The following CELSR1 variants were observed in gnomAD, a reference collection of about 807,000 sequenced individuals.
The protein encoded by CELSR1 is adhesion G protein-coupled receptor C1.
In CELSR1, 110 loss-of-function variants were observed where a neutral mutation model predicts 249.1. The observed-to-expected ratio is 0.44, with a 90% CI of 0.38 to 0.52. CELSR1 has a LOEUF of 0.52. CELSR1 is among the 20% of genes least tolerant of loss of function. CELSR1 has a pLI of 0.00. For synonymous variants in CELSR1, 2,113 were observed against 1,900.0 expected, an observed-to-expected ratio of 1.11 and a Z score of -2.92; for missense variants, 4,109 against 4,296.4, an observed-to-expected ratio of 0.96 and a Z score of 1.22.
chr22:46,426,869 G>A (rs1028140343), intron 5 of CELSR1, among the ~76,000 whole-genome samples: 1 of 152,232 alleles, frequency 6.6e-6, no homozygotes, highest in African/African-American at 2.4e-5. Flanking sequence ...AAACCTGCAG[G>A]TGCTCAGGCT....
At chr22:46,529,269 A>C (rs1233207739) in intron 1 of CELSR1, among the ~76,000 whole-genome samples, 1 of 152,118 alleles carries the variant, frequency 6.6e-6, no homozygotes, top group Non-Finnish European at 1.5e-5. Context: ...CCATTTCAAA[A>C]AAAAAAAAGA....
Position 46,446,150 on chromosome 22 carries a change from C to T in CELSR1, c.4184-6739G>A, listed in dbSNP as rs544222550. On this transcript the variant is annotated intron_variant, in intron 2 of 34. Transcript: ENST00000674500. The surrounding 1 kb of genome is among the most constrained non-coding windows in gnomAD (Gnocchi z 5.5). Reference sequence around the variant, plus strand: ...CCCAGCCCCCTCCACACCATACTCACGAGCCTGTGCCGGCCCCACTGTCTC... The same window carrying T: ...CCCAGCCCCCTCCACACCATACTCATGAGCCTGTGCCGGCCCCACTGTCTC... 3.9e-5 allele frequency among the ~76,000 whole-genome samples: 6 copies of T among 152,290 alleles called. No individual in the cohort carries two copies. Among genetic ancestry groups the T allele is most frequent in the East Asian group, 3.9e-4 (2 of 5,186 alleles).
Position 46,436,435 on chromosome 22 carries a change from G to C in CELSR1, c.4407-146C>G. On this transcript the variant is annotated intron_variant, in intron 3 of 34. Coordinates refer to ENST00000674500, the MANE Select transcript of CELSR1 (RefSeq NM_001378328.1). This position sits in a 1 kb window ranked among gnomAD's most constrained non-coding sequence, Gnocchi z 5.9. ...GTGTCAGGCATGCGTCCTTCTCATAGGAGCAGACAGCCCATCAAGCTTGAT... is the reference window on the plus strand; with the variant it reads ...GTGTCAGGCATGCGTCCTTCTCATACGAGCAGACAGCCCATCAAGCTTGAT... 1 of 607,934 alleles carries C rather than the reference G, an allele frequency of 1.6e-6. No individual in the cohort carries two copies. The highest frequency in any genetic ancestry group is 2.9e-5 in the Admixed American group (1 of 34,550). The allele number at this position is 607,934 out of a possible 1,614,324, so 37.7% of individuals were successfully genotyped here.
Position 46,374,064 on chromosome 22 carries a change from C to T in CELSR1, c.7585-1007G>A, listed in dbSNP as rs558802690. ...AAGTCAGCATCGCATCTGTCAGATA[C>T]GGAACAGAGCAGGAACCGAAGCAGG... On this transcript the variant is annotated intron_variant, in intron 24 of 34. Coordinates refer to ENST00000674500, the MANE Select transcript of CELSR1 (RefSeq NM_001378328.1). The surrounding 1 kb of genome is among the most constrained non-coding windows in gnomAD (Gnocchi z 4.3). 4.5e-4 allele frequency among the ~76,000 whole-genome samples: 68 copies of T among 152,342 alleles called. No homozygotes were observed. The highest frequency in any genetic ancestry group is 1.5e-3 in the African/African-American group (63 of 41,586).
chr22:46,469,802 C>T (rs1268656704), intron 1 of CELSR1, among the ~76,000 whole-genome samples: 1 of 150,416 alleles, frequency 6.6e-6, no homozygotes, highest in Non-Finnish European at 1.5e-5. Flanking sequence ...GCGTGAACCA[C>T]CGCACCCGGC....
At chr22:46,450,770 G>A (rs945760682) in intron 2 of CELSR1, among the ~76,000 whole-genome samples, 2 of 152,178 alleles carry the variant, frequency 1.3e-5, no homozygotes, top group African/African-American at 2.4e-5. Flanking sequence ...CCACAGCACT[G>A]CTGTCAGGAC....
At position 46,437,923 on chromosome 22, in the gene CELSR1, T is replaced by C. The variant is rs369487161; in HGVS notation, c.4406+1266A>G. ...CTTAATGACGACGGGACCAACTCAG[T>C]GCAGGCTTGTTTCCTGAGACTCAGC... On this transcript the variant is annotated intron_variant, in intron 3 of 34. Coordinates refer to ENST00000674500, the MANE Select transcript of CELSR1 (RefSeq NM_001378328.1). This position sits in a 1 kb window ranked among gnomAD's most constrained non-coding sequence, Gnocchi z 4.9. Among the ~76,000 whole-genome samples the C allele has an allele frequency of 6.6e-6, 1 of 152,150 alleles. No individual in the cohort carries two copies. The highest frequency in any genetic ancestry group is 2.4e-5 in the African/African-American group (1 of 41,432).
chr22:46,508,514 C>G (rs2080539906), intron 1 of CELSR1, among the ~76,000 whole-genome samples: 1 of 143,304 alleles, frequency 7.0e-6, no homozygotes, highest in Non-Finnish European at 1.5e-5. Flanking sequence ...GAGCATTTCT[C>G]ACAGCCGGGG....
Position 46,433,328 on chromosome 22 carries a change from C to T in CELSR1, c.4611+65G>A. The T allele has an allele frequency of 3.1e-6, 4 of 1,300,614 alleles. No homozygotes were observed. Among genetic ancestry groups the T allele is most frequent in the Non-Finnish European group, 4.4e-6 (4 of 914,168 alleles). The allele number at this position is 1,300,614 out of a possible 1,614,324, so 80.6% of individuals were successfully genotyped here. A position where few individuals can be genotyped will look rare whatever the true frequency, so the allele number is the denominator to read the frequency against. ...GGGATTACAGGCGTGAGCCACTGCG[C>T]CTCGCCCCAGGGCACCTTCTCGAGC... On this transcript the variant is annotated intron_variant, in intron 5 of 34. Coordinates refer to ENST00000674500, the MANE Select transcript of CELSR1 (RefSeq NM_001378328.1). This position sits in a 1 kb window ranked among gnomAD's most constrained non-coding sequence, Gnocchi z 5.7.
In CELSR1 at chr22:46,395,215, G is replaced by A. The variant is rs2079135083; in HGVS notation, c.5844-953C>T. On this transcript the variant is annotated intron_variant, in intron 13 of 34. Transcript: ENST00000674500. The surrounding 1 kb of genome is among the most constrained non-coding windows in gnomAD (Gnocchi z 5.5). ...GAACCTTCATCCCCCTGCAGCAGTG[G>A]TGACTGTGGCGCCGGGCATGGAGAT... Among the ~76,000 whole-genome samples, 1 of 152,196 alleles carries A rather than the reference G, an allele frequency of 6.6e-6. No individual in the cohort carries two copies. Among genetic ancestry groups the A allele is most frequent in the Admixed American group, 6.5e-5 (1 of 15,278 alleles).
At chr22:46,496,655 C>A (rs569584081) in intron 1 of CELSR1, among the ~76,000 whole-genome samples, 6 of 151,464 alleles carry the variant, frequency 4.0e-5, no homozygotes, top group East Asian at 1.9e-4. Flanking sequence ...GTGTTAAAAA[C>A]CAAGACATAA....
rs1209803253 is a variant in CELSR1, at chr22:46,433,231, C to T, written c.4611+162G>A. Among the ~76,000 whole-genome samples, 4 of 152,110 alleles carry T rather than the reference C, an allele frequency of 2.6e-5. No individual in the cohort carries two copies. The highest frequency in any genetic ancestry group is 5.9e-5 in the Non-Finnish European group (4 of 68,016). The stretch of plus-strand genomic sequence containing the variant: ...TGTATTTTTGGTAGAGACAGGGTTT[C>T]GCCACGTTGGCCAAGCTGGTCTCGA... On this transcript the variant is annotated intron_variant, in intron 5 of 34. Transcript: ENST00000674500. This position sits in a 1 kb window ranked among gnomAD's most constrained non-coding sequence, Gnocchi z 5.7.
chr22:46,405,922 G>A (rs1277502508), intron 9 of CELSR1, among the ~76,000 whole-genome samples: 1 of 152,080 alleles, frequency 6.6e-6, no homozygotes, highest in Non-Finnish European at 1.5e-5. Context: ...GCTGCCCTGG[G>A]GGCCTTCTGG....
chr22:46,367,195 C>T (rs1184730708), intron 28 of CELSR1, 77 bp from the exon 29 acceptor site: 10 of 1,530,844 alleles, frequency 6.5e-6, no homozygotes, highest in South Asian at 2.4e-5. Context: ...AGCACAGATG[C>T]GCATACAGCC....
In CELSR1 at chr22:46,433,609, C is replaced by T. The variant is rs376876290; in HGVS notation, c.4523-128G>A. On this transcript the variant is annotated intron_variant, in intron 4 of 34. Coordinates refer to ENST00000674500, the MANE Select transcript of CELSR1 (RefSeq NM_001378328.1). This position sits in a 1 kb window ranked among gnomAD's most constrained non-coding sequence, Gnocchi z 5.7. ...GGCCACGTCCTCCCTCCCCTCCCCA[C>T]GGCACCATGGTGGGAGGCGCCCACC... is the stretch of plus-strand genomic sequence containing the variant. 138 of 652,278 alleles carry T rather than the reference C, an allele frequency of 2.1e-4. 1 individual carries two copies. The highest frequency in any genetic ancestry group is 1.7e-3 in the Middle Eastern group (7 of 4,020). 40.4% of individuals were successfully genotyped at this position (652,278 alleles called of 1,614,324 possible). A position where few individuals can be genotyped will look rare whatever the true frequency, so the allele number is the denominator to read the frequency against.
intron 24 of CELSR1, among the ~76,000 whole-genome samples, chr22:46,375,162 AG>A (rs2078905346): frequency 6.6e-6 from 1 of 152,154 alleles, no homozygotes; most frequent in Admixed American, 6.5e-5. Flanking sequence ...GCTCGCCGGA[AG>A]GTTCCAGCCT....
intron 1 of CELSR1, among the ~76,000 whole-genome samples, chr22:46,475,764 G>A (rs938170023): frequency 3.3e-5 from 5 of 152,032 alleles, no homozygotes; most frequent in Non-Finnish European, 5.9e-5. Context: ...CATAATCTTC[G>A]ATAACACTTA....
In CELSR1 at chr22:46,434,998, AAAG is replaced by A. The variant is rs1331907916; in HGVS notation, c.4522+1173_4522+1175del. 3.9e-5 allele frequency among the ~76,000 whole-genome samples: 6 copies of A among 152,220 alleles called. No individual in the cohort carries two copies. Among genetic ancestry groups the A allele is most frequent in the Admixed American group, 6.5e-5 (1 of 15,292 alleles). On this transcript the variant is annotated intron_variant, in intron 4 of 34. Transcript: ENST00000674500. The surrounding 1 kb of genome is among the most constrained non-coding windows in gnomAD (Gnocchi z 4.9). ...GGTGAAAGAGTAAGACTTTGTCTCA[AAAG>A]AAGAACAAAAACAAAAAAAAAAGTC...
Position 46,364,648 on chromosome 22 carries a change from G to A in CELSR1, c.8643C>T (p.Arg2881=), listed in dbSNP as rs756948030. 1.1e-5 allele frequency: 18 copies of A among 1,612,584 alleles called. No individual in the cohort carries two copies. The highest frequency in any genetic ancestry group is 1.4e-5 in the Non-Finnish European group (17 of 1,179,928). ...CGCTGACCTTGGTCTCCACCTTCAG[G>A]CGGGGCTTGCCGCTGGGGTCCTCAC... The part of the protein sequence containing the change: ...SDSEDPSGKP[R]LKVETKVSVE... Residue 2881 remains arginine, a synonymous_variant, in exon 33 of 35, where the codon CGC becomes CGT. Coordinates refer to ENST00000674500, the MANE Select transcript of CELSR1 (RefSeq NM_001378328.1).
Sources: gnomAD v4.1 joint callset for allele counts (sites outside exome capture counted in the v4.1 genomes callset) on GRCh38, gnomAD v4.1.1 for gene constraint, Gnocchi (gnomAD v3.1) non-coding constraint, MANE v1.5 for transcripts, NCBI Gene and HGNC (gene_info 2026-07-23, HGNC 2026-07-21) for gene names.